The following GRM7 variants were observed in gnomAD, a reference collection of about 807,000 sequenced individuals.
GRM7 encodes glutamate metabotropic receptor 7.
GRM7 carries 35 observed loss-of-function variants against 84.5 expected under a neutral mutation model. The observed-to-expected ratio is 0.41, with a 90% CI of 0.32 to 0.55. The LOEUF (loss-of-function observed/expected upper bound fraction) is 0.55. Among genes scored for constraint, GRM7 ranks in the 20% least tolerant of loss-of-function variants. The pLI is 0.19. For synonymous variants in GRM7, 487 were observed against 455.1 expected, an observed-to-expected ratio of 1.07 and a Z score of -0.89; for missense variants, 1,003 against 1,194.6, an observed-to-expected ratio of 0.84 and a Z score of 2.36.
At chr3:7,491,768 A>C (rs1699526339) in intron 7 of GRM7, among the ~76,000 whole-genome samples, 1 of 152,206 alleles carries the variant, frequency 6.6e-6, no homozygotes, top group Non-Finnish European at 1.5e-5. Flanking sequence ...AGACAATAGG[A>C]AGGATTAAAT....
intron 8 of GRM7, among the ~76,000 whole-genome samples, chr3:7,588,821 T>C (rs2125061454): frequency 6.6e-6 from 1 of 152,332 alleles, no homozygotes; most frequent in South Asian, 2.1e-4. Flanking sequence ...TATTGCACGC[T>C]CTTCGTCCTC....
chr3:7,600,479 C>T (rs1575541244), intron 8 of GRM7, among the ~76,000 whole-genome samples: 2 of 152,124 alleles, frequency 1.3e-5, no homozygotes, highest in Admixed American at 6.5e-5. Context: ...CACAAATGAC[C>T]TAGTTATGCC....
At chr3:7,402,500 G>A (rs563447076) in intron 4 of GRM7, among the ~76,000 whole-genome samples, 11 of 152,150 alleles carry the variant, frequency 7.2e-5, no homozygotes, top group Admixed American at 3.3e-4. Context: ...ATTTGTTTAC[G>A]AGCCATCTAT....
intron 1 of GRM7, among the ~76,000 whole-genome samples, chr3:7,041,312 C>T (rs1326215411): frequency 6.6e-6 from 1 of 152,134 alleles, no homozygotes; most frequent in African/African-American, 2.4e-5. Context: ...CTTCCCATTC[C>T]CAGGCAACCA....
intron 1 of GRM7, among the ~76,000 whole-genome samples, chr3:6,921,186 C>T (rs575629575): frequency 3.6e-4 from 54 of 152,100 alleles, no homozygotes; most frequent in Admixed American, 8.5e-4. Flanking sequence ...CAAAAGCTGC[C>T]GAGAGGCAAC....
At chr3:7,731,663 A>G (rs1005357542) in intron 9 of GRM7, among the ~76,000 whole-genome samples, 1 of 152,218 alleles carries the variant, frequency 6.6e-6, no homozygotes, top group African/African-American at 2.4e-5. Flanking sequence ...AGGCTCAGAC[A>G]TGCATGATTG....
intron 3 of GRM7, among the ~76,000 whole-genome samples, chr3:7,303,168 C>T (rs895051697): frequency 6.6e-6 from 1 of 152,104 alleles, no homozygotes; most frequent in Non-Finnish European, 1.5e-5. Context: ...TCTTGATCTC[C>T]TGACCTTGTG....
At chr3:7,467,174 G>T (rs565615534) in intron 7 of GRM7, among the ~76,000 whole-genome samples, 1 of 152,036 alleles carries the variant, frequency 6.6e-6, no homozygotes, top group Non-Finnish European at 1.5e-5. Context: ...TGCAACCTCC[G>T]CCTCCCAGGT....
chr3:7,330,445 C>T (rs9859873), intron 4 of GRM7, among the ~76,000 whole-genome samples: 16,344 of 152,146 alleles, frequency 0.11, 2,756 homozygotes, highest in African/African-American at 0.36. Flanking sequence ...TCCTTTCTTT[C>T]CCTTTTTAAT....
At chr3:6,873,802 C>G (rs544792264) in intron 1 of GRM7, among the ~76,000 whole-genome samples, 100 of 152,210 alleles carry the variant, frequency 6.6e-4, no homozygotes, top group Non-Finnish European at 1.2e-3. Flanking sequence ...ATCTCTGAGG[C>G]TGGGCCAGTT....
chr3:7,022,257 T>C (rs1695802973), intron 1 of GRM7, among the ~76,000 whole-genome samples: 1 of 151,322 alleles, frequency 6.6e-6, no homozygotes, highest in Non-Finnish European at 1.5e-5. Flanking sequence ...GCCTGGGAAG[T>C]AGAGATTGCA....
intron 4 of GRM7, among the ~76,000 whole-genome samples, chr3:7,368,390 T>G (rs935320601): frequency 6.6e-6 from 1 of 152,124 alleles, no homozygotes; most frequent in Admixed American, 6.6e-5. Flanking sequence ...ATTATAAGTG[T>G]TTTTCAGTAG....
chr3:7,087,813 G>C (rs997869642), intron 1 of GRM7, among the ~76,000 whole-genome samples: 3 of 152,100 alleles, frequency 2.0e-5, no homozygotes, highest in African/African-American at 7.2e-5. Flanking sequence ...CTATCTCAAA[G>C]GTAGTGAGAA....
At chr3:7,569,283 G>C (rs887970706) in intron 7 of GRM7, among the ~76,000 whole-genome samples, 2 of 152,164 alleles carry the variant, frequency 1.3e-5, no homozygotes, top group Non-Finnish European at 2.9e-5. Context: ...ACACCAATCA[G>C]TACCCTATGT....
chr3:6,891,091 C>G (rs1193671967), intron 1 of GRM7, among the ~76,000 whole-genome samples: 2 of 152,104 alleles, frequency 1.3e-5, no homozygotes, highest in Non-Finnish European at 2.9e-5. Flanking sequence ...CTTGGTAGAT[C>G]TTCCTCCATC....
rs143558543 is a variant in GRM7, at chr3:7,371,866, G to A, written c.1034-43157G>A. Among the ~76,000 whole-genome samples the A allele has an allele frequency of 4.3e-4, 66 of 152,290 alleles. 1 individual carries two copies. The highest frequency in any genetic ancestry group is 1.5e-3 in the African/African-American group (63 of 41,572). On this transcript the variant is annotated intron_variant, in intron 4 of 9. Transcript: ENST00000357716. ...GGCACAGCAAACAGAATGAACAGAG[G>A]TGTGAGTCAGTGAGTGGGTGGGCGT...
At chr3:7,176,671 G>A (rs1166570584) in intron 2 of GRM7, among the ~76,000 whole-genome samples, 2 of 152,178 alleles carry the variant, frequency 1.3e-5, no homozygotes, top group African/African-American at 4.8e-5. Flanking sequence ...AAACTTTGTA[G>A]TGGCTTTTTC....
chr3:7,370,020 G>A lies in GRM7; in HGVS notation c.1034-45003G>A, dbSNP rs553512728. Among the ~76,000 whole-genome samples the A allele has an allele frequency of 2.0e-5, 3 of 152,238 alleles. No homozygotes were observed. The South Asian group carries it at 6.2e-4, about 32-fold the overall frequency. ...CTGGGAAAAAATAACAGCAAGGCAA[G>A]TGTTGATTCCAGCCACTTTGCCTCA... On this transcript the variant is annotated intron_variant, in intron 4 of 9. Coordinates refer to ENST00000357716, the MANE Select transcript of GRM7 (RefSeq NM_000844.4).
rs142511278 is a variant in GRM7, at chr3:7,089,283, A to C, written c.520-57169A>C. Among the ~76,000 whole-genome samples the C allele has an allele frequency of 5.5e-3, 833 of 152,336 alleles. 10 individuals are homozygous for C. The highest frequency in any genetic ancestry group is 0.019 in the African/African-American group (793 of 41,572). ...TATCAAGTCATAAAATCAATGAGAA[A>C]GGTATAAAAGTAGAAAGTTAATAAT... On this transcript the variant is annotated intron_variant, in intron 1 of 9. Coordinates refer to ENST00000357716, the MANE Select transcript of GRM7 (RefSeq NM_000844.4).
Sources: allele counts gnomAD v4.1 joint callset (sites outside exome capture counted in the v4.1 genomes callset), GRCh38; gene constraint gnomAD v4.1.1; transcripts MANE v1.5; gene names NCBI Gene and HGNC (gene_info 2026-07-23, HGNC 2026-07-21).